Variants in CPNE1 observed in about 807,000 individuals in gnomAD.
The protein encoded by CPNE1 is copine 1, also known as copine-1.
Under a neutral mutation model 63.2 loss-of-function variants are expected in CPNE1, and 58 were observed. The ratio of observed to expected loss-of-function variants is 0.92; its 90% confidence interval spans 0.74 to 1.14. The LOEUF (loss-of-function observed/expected upper bound fraction) is 1.14, where lower values mean the gene tolerates loss of function less well. CPNE1 is among the 50% of genes most tolerant of loss of function. The probability of loss-of-function intolerance (pLI) is 0.00; values close to 1 mark genes in which losing one functional copy is unlikely to be tolerated. For synonymous variants in CPNE1, 237 were observed against 249.0 expected (o/e 0.95, Z 0.45); for missense variants, 672 against 661.7 (o/e 1.02, Z -0.17).
chr20:35,639,100 A>C (rs1302760567), intron 1 of CPNE1, among the ~76,000 whole-genome samples: 1 of 150,084 alleles, frequency 6.7e-6, no homozygotes, highest in Non-Finnish European at 1.5e-5. Flanking sequence ...ACAAAAAAAA[A>C]AAACAAAACC....
chr20:35,630,683 C>G (rs1366417991), intron 12 of CPNE1, 58 bp downstream of exon 12: 2 of 1,588,934 alleles, frequency 1.3e-6, no homozygotes, highest in African/African-American at 2.7e-5. Flanking sequence ...TTACCACATC[C>G]CCCAAAATCA....
At position 35,632,008 on chromosome 20, in the gene CPNE1, T is replaced by C; in HGVS notation, c.474A>G (p.Ser158=). The part of the protein sequence containing the change: ...NLDKKDFLGK[S]DPFLEFFRQG... ...GGCGGAAGAACTCCAGAAATGGATC[T>C]GATTTTCCCAGGAAGTCCTGCCAAT... Residue 158 remains serine (S), a synonymous_variant, in exon 6 of 16, where the codon TCA becomes TCG. Coordinates refer to ENST00000397443, the MANE Select transcript of CPNE1 (RefSeq NM_152925.3). 2.5e-6 allele frequency: 4 copies of C among 1,614,132 alleles called. No homozygotes were observed. The highest frequency in any genetic ancestry group is 3.4e-6 in the Non-Finnish European group (4 of 1,180,018).
chr20:35,648,410 A>C (rs2033277918), intron 1 of CPNE1, among the ~76,000 whole-genome samples: 1 of 152,200 alleles, frequency 6.6e-6, no homozygotes, highest in Admixed American at 6.5e-5. Context: ...TACATAACTG[A>C]TCTCTCCTGA....
At chr20:35,648,376 A>C (rs1335316094) in intron 1 of CPNE1, among the ~76,000 whole-genome samples, 1 of 152,234 alleles carries the variant, frequency 6.6e-6, no homozygotes, top group Admixed American at 6.5e-5. Context: ...GCTGTAAAAC[A>C]CTGGAAAGCA....
intron 1 of CPNE1, among the ~76,000 whole-genome samples, chr20:35,642,348 T>C (rs1285346568): frequency 1.3e-5 from 2 of 152,194 alleles, no homozygotes; most frequent in East Asian, 3.8e-4. Flanking sequence ...TGCAAGAAGG[T>C]GGCATAGAGG....
At chr20:35,633,764 C>A (rs1289859951) in intron 1 of CPNE1, among the ~76,000 whole-genome samples, 1 of 151,376 alleles carries the variant, frequency 6.6e-6, no homozygotes, top group Non-Finnish European at 1.5e-5. Flanking sequence ...ACCAGCCTGG[C>A]CAACATGGTG....
At chr20:35,657,464 T>C (rs558070980) in intron 1 of CPNE1, among the ~76,000 whole-genome samples, 2 of 151,950 alleles carry the variant, frequency 1.3e-5, no homozygotes, top group South Asian at 2.1e-4. Flanking sequence ...TCAAAACAAC[T>C]TGAGAGAGAG....
At chr20:35,656,938 C>G (rs1329498878) in intron 1 of CPNE1, among the ~76,000 whole-genome samples, 2 of 151,998 alleles carry the variant, frequency 1.3e-5, no homozygotes, top group African/African-American at 4.8e-5. Context: ...CTACTATAAG[C>G]TCTAAGAATT....
rs1054199387 is a variant in CPNE1 at position 35,626,731 on chromosome 20, G to A, written c.1309C>T (p.Arg437Cys). ...DVEATREAVV[R>C]ASNLPMSVII... ...ACTGACATGGGCAGGTTCGAGGCAC[G>A]CACCACAGCCTCACGTGTGGCTTCC... Residue 437 changes from arginine to cysteine, a missense_variant, in exon 15 of 16, where the codon CGT becomes TGT. By Grantham distance (180) the Arg-to-Cys change is radical. Transcript: ENST00000397443. 1.7e-5 allele frequency: 27 copies of A among 1,613,936 alleles called. No individual in the cohort carries two copies. The highest frequency in any genetic ancestry group is 8.9e-5 in the East Asian group (4 of 44,886).
intron 13 of CPNE1, among the ~76,000 whole-genome samples, chr20:35,628,157 C>T (rs1341492350): frequency 2.7e-5 from 4 of 150,864 alleles, no homozygotes; most frequent in Admixed American, 1.3e-4. Flanking sequence ...TGGTGGTGGG[C>T]GCCTGTAGTC....
chr20:35,657,144 T>G (rs1770974915), intron 1 of CPNE1, among the ~76,000 whole-genome samples: 1 of 152,194 alleles, frequency 6.6e-6, no homozygotes, highest in Non-Finnish European at 1.5e-5. Flanking sequence ...CAGAAAATGC[T>G]TTTTGTGAGG....
chr20:35,658,685 G>A (rs533435292), intron 1 of CPNE1, among the ~76,000 whole-genome samples: 4 of 152,024 alleles, frequency 2.6e-5, no homozygotes, highest in African/African-American at 7.2e-5. Flanking sequence ...GCTTGAACCC[G>A]GGAGGCGGAG....
intron 1 of CPNE1, among the ~76,000 whole-genome samples, chr20:35,641,427 T>G (rs2032799221): frequency 1.3e-5 from 2 of 152,310 alleles, no homozygotes; most frequent in South Asian, 4.1e-4. Flanking sequence ...CTCCAAATAC[T>G]GGCCTTATTC....
chr20:35,632,035 C>A lies in CPNE1; in HGVS notation c.457-10G>T, dbSNP rs767857434. 3 of 1,613,608 alleles carry A rather than the reference C, an allele frequency of 1.9e-6. No homozygotes were observed. Among genetic ancestry groups the A allele is most frequent in the South Asian group, 1.1e-5 (1 of 91,064 alleles). ...ATTTTCCCAGGAAGTCCTGCCAATG[C>A]GAGACCCCAGTTACAAGACTCAGGA... On this transcript the variant is annotated splice_polypyrimidine_tract_variant and intron_variant, in intron 5 of 15. Transcript: ENST00000397443.
rs779849746 is a variant in CPNE1, at chr20:35,626,771, A to T, written c.1269T>A (p.Gly423=). The T allele has an allele frequency of 6.2e-7, 1 of 1,614,108 alleles. No homozygotes were observed. Residue 423 remains glycine (G), a synonymous_variant, in exon 15 of 16, where the codon GGT becomes GGA. Coordinates refer to ENST00000397443, the MANE Select transcript of CPNE1 (RefSeq NM_152925.3). The part of the protein sequence containing the change: ...QYFMLLLLTD[G]AVTDVEATRE... Reference sequence around the variant, plus strand: ...GTGTGGCTTCCACATCCGTCACAGCACCATCAGTCAGCAGCAACAGCATGA... The same window carrying T: ...GTGTGGCTTCCACATCCGTCACAGCTCCATCAGTCAGCAGCAACAGCATGA...
At chr20:35,659,138 C>CAAAAAAAAAAAAAAAAAA (rs370328377) in intron 1 of CPNE1, 1 of 253,600 alleles carries the variant, frequency 3.9e-6, no homozygotes, top group Non-Finnish European at 6.9e-6. Flanking sequence ...GAATGCATAT[C>CAAAAAAAAAAAAAAAAAA]AAAAAAAAAA....
intron 13 of CPNE1, among the ~76,000 whole-genome samples, chr20:35,629,820 G>A (rs961456994): frequency 1.3e-5 from 2 of 151,892 alleles, no homozygotes; most frequent in Non-Finnish European, 2.9e-5. Flanking sequence ...CATCATGCTC[G>A]GCTAATTTTT....
chr20:35,659,150 A>G (rs1259843881), intron 1 of CPNE1: 2 of 457,194 alleles, frequency 4.4e-6, no homozygotes, highest in Non-Finnish European at 7.9e-6. Context: ...AAAAAAAAAA[A>G]AAAAAGAAAG....
In CPNE1 at chr20:35,632,787, C is replaced by T. The variant is rs985436697; in HGVS notation, c.129+8G>A. 6.9e-6 allele frequency: 6 copies of T among 871,274 alleles called. No homozygotes were observed. The highest frequency in any genetic ancestry group is 2.6e-5 in the South Asian group (2 of 76,264). 54.0% of individuals were successfully genotyped at this position (871,274 alleles called of 1,614,324 possible). A position where few individuals can be genotyped will look rare whatever the true frequency, so the allele number is the denominator to read the frequency against. Reference sequence around the variant, plus strand: ...CTCCACAACCTTAACCTCCATAATCCGCCTCACCTCAGCCCAGCTGCCCCC... The same window carrying T: ...CTCCACAACCTTAACCTCCATAATCTGCCTCACCTCAGCCCAGCTGCCCCC... On this transcript the variant is annotated splice_region_variant and intron_variant, in intron 2 of 15. Transcript: ENST00000397443.
Sources: gnomAD v4.1 joint callset for allele counts (sites outside exome capture counted in the v4.1 genomes callset) on GRCh38, gnomAD v4.1.1 for gene constraint, MANE v1.5 for transcripts, NCBI Gene and HGNC (gene_info 2026-07-23, HGNC 2026-07-21) for gene names.